Variants in IQCK observed in about 807,000 individuals in gnomAD.
IQCK encodes the protein IQ domain-containing protein K.
A neutral mutation model predicts 28.1 loss-of-function variants in IQCK; 29 were observed. The ratio of observed to expected loss-of-function variants is 1.03; its 90% CI spans 0.77 to 1.41. IQCK has a LOEUF of 1.41. Ranked by LOEUF, IQCK falls within the 40% of genes most tolerant of loss-of-function variation. The pLI, the probability that IQCK is intolerant of heterozygous loss-of-function variation, is 0.00. For synonymous variants in IQCK, 113 were observed against 115.1 expected, an observed-to-expected ratio of 0.98 and a Z score of 0.12; for missense variants, 359 against 314.7, an observed-to-expected ratio of 1.14 and a Z score of -1.07.
chr16:19,838,522 G>A (rs1448098377), intron 9 of IQCK, among the ~76,000 whole-genome samples: 2 of 152,082 alleles, frequency 1.3e-5, no homozygotes, highest in Non-Finnish European at 2.9e-5. Flanking sequence ...GGAGCTAACC[G>A]GGAGGGCAAT....
At chr16:19,743,572 C>A (rs561881833) in intron 4 of IQCK, among the ~76,000 whole-genome samples, 2 of 152,364 alleles carry the variant, frequency 1.3e-5, no homozygotes, top group African/African-American at 4.8e-5. Flanking sequence ...ATCCTCCCAA[C>A]AATCTTTGGA....
At chr16:19,734,780 CA>C (rs1358666397) in intron 3 of IQCK, among the ~76,000 whole-genome samples, 2,129 of 64,780 alleles carry the variant, frequency 0.033, 47 homozygotes, top group African/African-American at 0.092. Flanking sequence ...GACTCTGTCT[CA>C]AAAAAAAAAA....
chr16:19,721,996 T>G (rs995710287), intron 1 of IQCK, among the ~76,000 whole-genome samples: 1 of 152,212 alleles, frequency 6.6e-6, no homozygotes, highest in Non-Finnish European at 1.5e-5. Flanking sequence ...TTGTAAAATC[T>G]GGCCTTTCAT....
exon 10 of IQCK, chr16:19,857,146 T>G: frequency 5.0e-6 from 1 of 201,932 alleles, no homozygotes; most frequent in Non-Finnish European, 1.0e-5. Flanking sequence ...TTCCTGCTTT[T>G]ATGGGTAAAC....
chr16:19,814,228 A>G (rs1312500190), intron 7 of IQCK, among the ~76,000 whole-genome samples: 2 of 142,432 alleles, frequency 1.4e-5, no homozygotes, highest in African/African-American at 2.7e-5. Context: ...CTCAAAAAAA[A>G]AAAAAAAAAA....
intron 9 of IQCK, among the ~76,000 whole-genome samples, chr16:19,852,138 C>T (rs2056491037): frequency 1.3e-5 from 2 of 152,180 alleles, no homozygotes; most frequent in Non-Finnish European, 2.9e-5. Flanking sequence ...TTCCATCCCT[C>T]CCCTCCTCAA....
intron 7 of IQCK, among the ~76,000 whole-genome samples, chr16:19,810,018 G>A (rs1217995296): frequency 6.6e-6 from 1 of 152,170 alleles, no homozygotes; most frequent in Non-Finnish European, 1.5e-5. Flanking sequence ...TAAATCAGAA[G>A]CTGTGGTGGT....
intron 1 of IQCK, among the ~76,000 whole-genome samples, chr16:19,728,877 TACTGTCTGA>T (rs1268027117): frequency 2.0e-5 from 3 of 152,238 alleles, no homozygotes; most frequent in African/African-American, 4.8e-5. Flanking sequence ...GGAAATGCTG[TACTGTCTGA>T]TAGGTAGCTA....
chr16:19,766,335 A>G (rs1234579218), intron 6 of IQCK, among the ~76,000 whole-genome samples: 3 of 152,206 alleles, frequency 2.0e-5, no homozygotes, highest in Non-Finnish European at 4.4e-5. Context: ...TTCAAATGTT[A>G]ACAAAGCATT....
chr16:19,725,475 G>A (rs1485399023), intron 1 of IQCK, among the ~76,000 whole-genome samples: 1 of 152,202 alleles, frequency 6.6e-6, no homozygotes, highest in Admixed American at 6.5e-5. Flanking sequence ...AGGATTACAG[G>A]TGTGAGCCTG....
chr16:19,771,876 T>C (rs1482267151), intron 6 of IQCK, among the ~76,000 whole-genome samples: 1 of 152,044 alleles, frequency 6.6e-6, no homozygotes, highest in Non-Finnish European at 1.5e-5. Flanking sequence ...CAGAGGTTTA[T>C]GGAGGAGGGG....
chr16:19,838,176 G>A (rs557800778), intron 9 of IQCK, among the ~76,000 whole-genome samples: 1 of 152,320 alleles, frequency 6.6e-6, no homozygotes, highest in African/African-American at 2.4e-5. Context: ...TGCCGGGTTT[G>A]GGAGTTTGGT....
At chr16:19,812,558 G>A (rs542229464) in intron 7 of IQCK, among the ~76,000 whole-genome samples, 8 of 152,252 alleles carry the variant, frequency 5.3e-5, no homozygotes, top group African/African-American at 1.2e-4. Flanking sequence ...GCACAAAGCC[G>A]AAAATATTTA....
intron 6 of IQCK, among the ~76,000 whole-genome samples, chr16:19,780,294 C>T (rs1283629812): frequency 2.6e-5 from 4 of 151,502 alleles, no homozygotes; most frequent in Admixed American, 6.6e-5. Flanking sequence ...TGCCGGCCTC[C>T]GCCTCCCAAA....
intron 9 of IQCK, among the ~76,000 whole-genome samples, chr16:19,834,525 G>A (rs536821929): frequency 1.3e-5 from 2 of 152,230 alleles, no homozygotes; most frequent in African/African-American, 4.8e-5. Flanking sequence ...CTGGACAGCA[G>A]GCAGTGTCTG....
intron 1 of IQCK, among the ~76,000 whole-genome samples, chr16:19,729,170 G>C (rs1465844389): frequency 6.6e-6 from 1 of 152,056 alleles, no homozygotes; most frequent in South Asian, 2.1e-4. Flanking sequence ...TCAGAGTCTC[G>C]CTGTGTCGCT....
At chr16:19,771,515 G>T (rs955869293) in intron 6 of IQCK, among the ~76,000 whole-genome samples, 8 of 152,146 alleles carry the variant, frequency 5.3e-5, no homozygotes, top group Admixed American at 1.3e-4. Context: ...TTTTGCTGAA[G>T]ATTGCTTACA....
chr16:19,813,503 G>T (rs1029007927), intron 7 of IQCK, among the ~76,000 whole-genome samples: 3 of 152,198 alleles, frequency 2.0e-5, no homozygotes, highest in African/African-American at 7.2e-5. Context: ...AGAAGACAGG[G>T]AAGTGTAATG....
intron 7 of IQCK, among the ~76,000 whole-genome samples, chr16:19,818,987 G>A (rs2056027432): frequency 6.6e-6 from 1 of 152,118 alleles, no homozygotes; most frequent in Non-Finnish European, 1.5e-5. Context: ...TTGTCTGGGA[G>A]GAAAGGGATT....
Sources: allele counts gnomAD v4.1 joint callset (sites outside exome capture counted in the v4.1 genomes callset), GRCh38; gene constraint gnomAD v4.1.1; transcripts MANE v1.5; gene names NCBI Gene and HGNC (gene_info 2026-07-23, HGNC 2026-07-21).